The following SUMF2 variants were observed in gnomAD, a reference collection of about 807,000 sequenced individuals.
The protein encoded by SUMF2 is inactive C-alpha-formylglycine-generating enzyme 2.
A neutral mutation model predicts 44.8 loss-of-function variants in SUMF2; 45 were observed. The observed-to-expected ratio is 1.00, with a 90% CI of 0.79 to 1.29. The LOEUF (loss-of-function observed/expected upper bound fraction) is 1.29, where lower values mean the gene tolerates loss of function less well. Ranked by LOEUF, SUMF2 falls within the 50% of genes most tolerant of loss-of-function variation. The pLI, the probability that SUMF2 is intolerant of heterozygous loss-of-function variation, is 0.00. For missense variants in SUMF2, 418 were observed against 389.9 expected (o/e 1.07, Z -0.61); for synonymous variants, 148 against 150.4 (o/e 0.98, Z 0.12).
At position 56,068,037 on chromosome 7, in the gene SUMF2, T is replaced by A. The variant is rs866453628; in HGVS notation, c.68-445T>A. ...GAATTTTCTTTTTTTCTTTCTTTTT[T>A]TTTTTTTTTTTTTTTGAGACAGAGT... On this transcript the variant is annotated intron_variant, in intron 1 of 8. Transcript: ENST00000434526. Among the ~76,000 whole-genome samples the A allele has an allele frequency of 7.3e-3, 1,034 of 140,768 alleles. 9 individuals are homozygous for A. Among genetic ancestry groups the A allele is most frequent in the African/African-American group, 0.024 (935 of 38,716 alleles). 92.3% of individuals were successfully genotyped at this position (140,768 alleles called of 152,430 possible). A position where few individuals can be genotyped will look rare whatever the true frequency, so the allele number is the denominator to read the frequency against.
chr7:56,069,189 C>T lies in SUMF2; in HGVS notation c.224+551C>T, dbSNP rs185768172. Among the ~76,000 whole-genome samples the T allele has an allele frequency of 7.2e-5, 11 of 152,304 alleles. No homozygotes were observed. In the East Asian group the frequency reaches 2.1e-3, roughly 29 times the overall value. ...AAATCCCTGGGCTCTTGAGCCAGTG[C>T]ATTTTCCATTACACTGGGCATAGCA... On this transcript the variant is annotated intron_variant, in intron 2 of 8. Coordinates refer to ENST00000434526, the MANE Select transcript of SUMF2 (RefSeq NM_015411.4).
chr7:56,073,202 G>A (rs1201465676), intron 3 of SUMF2, 91 bp downstream of exon 3: 1 of 978,572 alleles, frequency 1.0e-6, no homozygotes, highest in South Asian at 1.3e-5. Context: ...ACACAGTGGA[G>A]AATCAGACCT....
chr7:56,076,800 C>G (rs376355791), intron 5 of SUMF2, 34 bp from the exon 6 acceptor site: 56 of 1,563,212 alleles, frequency 3.6e-5, no homozygotes, highest in Non-Finnish European at 2.2e-5. Context: ...TCTTCACCTC[C>G]CCCTCCTCTG....
chr7:56,064,818 G>GGT (rs1179146712), intron 1 of SUMF2, among the ~76,000 whole-genome samples: 1 of 147,504 alleles, frequency 6.8e-6, no homozygotes, highest in African/African-American at 2.5e-5. Context: ...AGGAGGCGGA[G>GGT]GTTGCAGTGA....
chr7:56,074,561 T>C, intron 4 of SUMF2, 25 bp from the exon 5 acceptor site: 1 of 1,610,626 alleles, frequency 6.2e-7, no homozygotes, highest in Non-Finnish European at 8.5e-7. Context: ...CCCGGAAGCC[T>C]GTCTCACTTA....
At position 56,068,624 on chromosome 7, in the gene SUMF2, C is replaced by T; in HGVS notation, c.210C>T (p.Thr70=). Residue 70 remains threonine (T), a synonymous_variant, in exon 2 of 9, where the codon ACC becomes ACT. Coordinates refer to ENST00000434526, the MANE Select transcript of SUMF2 (RefSeq NM_015411.4). ...KPFAIDIFPV[T]NKDFRDFVRE... ...TTGCCATCGACATATTTCCTGTCAC[C>T]AACAAAGATTTCAGGTACATCAGGT... 1.2e-6 allele frequency: 2 copies of T among 1,613,520 alleles called. No homozygotes were observed. The highest frequency in any genetic ancestry group is 1.6e-4 in the Middle Eastern group (1 of 6,062).
chr7:56,077,681 T>A lies in SUMF2; in HGVS notation c.592-421T>A, dbSNP rs115789856. The stretch of plus-strand genomic sequence containing the variant: ...AAAAAAAGTGAATAAAAAATAAAAC[T>A]AAAATAAGCAAATAAAAAAGCACTG... On this transcript the variant is annotated intron_variant, in intron 6 of 8. Transcript: ENST00000434526. 3.6e-3 allele frequency among the ~76,000 whole-genome samples: 538 copies of A among 150,314 alleles called. 5 individuals carry two copies. The highest frequency in any genetic ancestry group is 0.012 in the African/African-American group (506 of 40,880).
Position 56,079,944 on chromosome 7 carries a change from T to G in SUMF2, c.*332T>G. The stretch of plus-strand genomic sequence containing the variant: ...GCCATTTTTTAAGCATTTTAAAATC[T>G]ATTCTCTCCCCCTTTCTCCCTGGAT... On this transcript the variant is annotated 3_prime_UTR_variant, in exon 9 of 9. Coordinates refer to ENST00000434526, the MANE Select transcript of SUMF2 (RefSeq NM_015411.4). The G allele has an allele frequency of 7.8e-7, 1 of 1,288,128 alleles. No individual in the cohort carries two copies. Among genetic ancestry groups the G allele is most frequent in the African/African-American group, 1.5e-5 (1 of 66,644 alleles). The allele number at this position is 1,288,128 out of a possible 1,614,324, so 79.8% of individuals were successfully genotyped here.
At chr7:56,071,696 T>G (rs1299436658) in intron 2 of SUMF2, among the ~76,000 whole-genome samples, 1 of 145,846 alleles carries the variant, frequency 6.9e-6, no homozygotes, top group African/African-American at 2.6e-5. Flanking sequence ...GAGGCAAGAT[T>G]ATCGCTTGAA....
intron 4 of SUMF2, 173 bp from the exon 5 acceptor site, chr7:56,074,413 T>G (rs1200492370): frequency 9.8e-7 from 1 of 1,024,912 alleles, no homozygotes; most frequent in Non-Finnish European, 1.4e-6. Flanking sequence ...ATTTCTCCCT[T>G]CAGCCTCCTG....
intron 1 of SUMF2, among the ~76,000 whole-genome samples, chr7:56,065,748 A>G (rs1187721585): frequency 6.6e-6 from 1 of 152,086 alleles, no homozygotes; most frequent in East Asian, 1.9e-4. Context: ...CCACCACGCC[A>G]GGATGATCCG....
intron 1 of SUMF2, among the ~76,000 whole-genome samples, chr7:56,067,503 A>C (rs981181277): frequency 3.9e-5 from 6 of 152,020 alleles, no homozygotes; most frequent in African/African-American, 1.4e-4. Context: ...CTGCTACCTA[A>C]GAGATAGTGA....
At chr7:56,064,940 C>G (rs1031698047) in intron 1 of SUMF2, among the ~76,000 whole-genome samples, 3 of 143,444 alleles carry the variant, frequency 2.1e-5, no homozygotes, top group African/African-American at 7.8e-5. Context: ...CGCCTGTAAT[C>G]CCAGCACTTT....
At chr7:56,084,714 G>A (rs766925152), downstream of SUMF2, among the ~76,000 whole-genome samples, 7 of 152,056 alleles carry the variant, frequency 4.6e-5, no homozygotes, top group African/African-American at 1.4e-4. Flanking sequence ...GGGAAGAATC[G>A]GCTGTGCAAG....
chr7:56,065,818 C>T (rs1169206953), intron 1 of SUMF2, among the ~76,000 whole-genome samples: 1 of 152,070 alleles, frequency 6.6e-6, no homozygotes, highest in Non-Finnish European at 1.5e-5. Context: ...TGAGGTGGCT[C>T]ACGCTTGAAA....
In SUMF2 at chr7:56,068,662, G is replaced by A. The variant is rs575453185; in HGVS notation, c.224+24G>A. 2.1e-5 allele frequency: 33 copies of A among 1,607,762 alleles called. No homozygotes were observed. The African/African-American group carries it at 3.0e-4, about 14-fold the overall frequency. The stretch of plus-strand genomic sequence containing the variant: ...AGGTACATCAGGTATTCTTCCAGGA[G>A]GAATGAAGACCCTCTCTAATCTCAT... On this transcript the variant is annotated intron_variant, in intron 2 of 8. Transcript: ENST00000434526.
chr7:56,073,464 C>T (rs542578270), intron 3 of SUMF2: 4 of 329,868 alleles, frequency 1.2e-5, no homozygotes, highest in Admixed American at 3.8e-5. Flanking sequence ...ACCAACATGG[C>T]GAAACCCCGT....
chr7:56,087,019 G>C, the SUMF2 span: 4 of 1,613,084 alleles, frequency 2.5e-6, no homozygotes, highest in Admixed American at 6.7e-5. Context: ...GTGTCCTTCA[G>C]CTGTACTGAA....
intron 1 of SUMF2, among the ~76,000 whole-genome samples, chr7:56,067,483 A>G (rs1211873860): frequency 6.6e-6 from 1 of 152,026 alleles, no homozygotes; most frequent in Admixed American, 6.6e-5. Flanking sequence ...TGTTATTTTA[A>G]TTGATACAGC....
Sources: gnomAD v4.1 joint callset for allele counts (sites outside exome capture counted in the v4.1 genomes callset) on GRCh38, gnomAD v4.1.1 for gene constraint, MANE v1.5 for transcripts, NCBI Gene and HGNC (gene_info 2026-07-23, HGNC 2026-07-21) for gene names.